Variants in AMBRA1 observed in about 807,000 individuals in gnomAD.
AMBRA1 encodes the protein autophagy and beclin 1 regulator 1.
AMBRA1 carries 47 observed loss-of-function variants against 125.4 expected under a neutral mutation model. The observed-to-expected ratio is 0.37, with a 90% confidence interval of 0.30 to 0.48. The LOEUF (loss-of-function observed/expected upper bound fraction) is 0.48, where lower values mean the gene tolerates loss of function less well. AMBRA1 is among the 20% of genes least tolerant of loss of function. The pLI, the probability that AMBRA1 is intolerant of heterozygous loss-of-function variation, is 0.99. For missense variants in AMBRA1, 1,331 were observed against 1,693.4 expected, an observed-to-expected ratio of 0.79 and a Z score of 3.76; for synonymous variants, 626 against 655.5, an observed-to-expected ratio of 0.95 and a Z score of 0.69.
chr11:46,431,158 A>C (rs1459654779), intron 14 of AMBRA1, among the ~76,000 whole-genome samples: 1 of 152,184 alleles, frequency 6.6e-6, no homozygotes, highest in Non-Finnish European at 1.5e-5. Flanking sequence ...GGTTGACCTA[A>C]ACCTTGTTGA....
chr11:46,493,732 A>G (rs1276456085), intron 10 of AMBRA1, 24 bp from the exon 11 acceptor site: 4 of 1,556,590 alleles, frequency 2.6e-6, no homozygotes, highest in Non-Finnish European at 3.5e-6. Context: ...TCACATGTGA[A>G]AAGCTGACTA....
At chr11:46,553,776 A>T (rs2043086899) in intron 1 of AMBRA1, among the ~76,000 whole-genome samples, 1 of 151,750 alleles carries the variant, frequency 6.6e-6, no homozygotes, top group Non-Finnish European at 1.5e-5. Flanking sequence ...AAACAAAAAA[A>T]CTCACCAAGT....
chr11:46,504,108 G>C (rs561223344), intron 9 of AMBRA1, among the ~76,000 whole-genome samples: 23 of 152,336 alleles, frequency 1.5e-4, no homozygotes, highest in Admixed American at 1.3e-3. Flanking sequence ...ACTGTCATTA[G>C]CAAAGCCTTT....
chr11:46,542,966 G>C lies in AMBRA1; in HGVS notation c.1051C>G (p.Pro351Ala), dbSNP rs779409186. The change falls in exon 7 of 18, where the codon CCC (proline) becomes GCC (alanine). Residue 351 changes from proline to alanine, a missense_variant. By Grantham distance (27) the Pro-to-Ala change is conservative. Around this residue, in one of 4 missense-constraint regions of AMBRA1, gnomAD observed 689 missense variants for 776.5 expected, o/e 0.89. Transcript: ENST00000683756. The surrounding 1 kb of genome is among the most constrained non-coding windows in gnomAD (Gnocchi z 5.9). ...FSFVQTEPFH[P>A]PEQASSTQQD... is the part of the protein sequence containing the mutation. ...TGCGTTGACGAGGCCTGCTCCGGGG[G>C]ATGGAAGGGCTCGGTCTGTACAAAA... is the stretch of plus-strand genomic sequence containing the variant. 1 of 1,605,512 alleles carries C rather than the reference G, an allele frequency of 6.2e-7. No homozygotes were observed. Among genetic ancestry groups the C allele is most frequent in the Non-Finnish European group, 8.5e-7 (1 of 1,179,958 alleles).
intron 11 of AMBRA1, among the ~76,000 whole-genome samples, chr11:46,450,089 C>A (rs995908684): frequency 1.3e-5 from 2 of 150,452 alleles, no homozygotes; most frequent in African/African-American, 4.9e-5. Context: ...AATGTCCACA[C>A]AAACACCTAC....
chr11:46,506,336 C>T (rs771461747), intron 9 of AMBRA1, among the ~76,000 whole-genome samples: 1 of 152,254 alleles, frequency 6.6e-6, no homozygotes, highest in Admixed American at 6.5e-5. Flanking sequence ...TTCACATTTA[C>T]ATCTTTCTCA....
At chr11:46,521,901 T>C (rs1379766193) in intron 7 of AMBRA1, among the ~76,000 whole-genome samples, 1 of 152,226 alleles carries the variant, frequency 6.6e-6, no homozygotes, top group Non-Finnish European at 1.5e-5. Context: ...GCCTACAGTG[T>C]AGATCAGCCT....
intron 11 of AMBRA1, among the ~76,000 whole-genome samples, chr11:46,472,304 T>C (rs955375636): frequency 2.0e-5 from 3 of 152,234 alleles, no homozygotes; most frequent in Non-Finnish European, 4.4e-5. Context: ...TCTCTTAGCA[T>C]TGAGGTGTTC....
At chr11:46,406,148 G>A (rs1056740594) in intron 17 of AMBRA1, among the ~76,000 whole-genome samples, 1 of 151,636 alleles carries the variant, frequency 6.6e-6, no homozygotes, top group Non-Finnish European at 1.5e-5. Flanking sequence ...CTGCCTCCCA[G>A]GTTCAAGTGA....
intron 9 of AMBRA1, among the ~76,000 whole-genome samples, chr11:46,505,270 CCTT>C (rs1310330510): frequency 6.6e-6 from 1 of 152,200 alleles, no homozygotes; most frequent in Non-Finnish European, 1.5e-5. Flanking sequence ...CTGGTACATT[CCTT>C]CTTTGTTATT....
At chr11:46,583,679 A>AAAAAAAAAAAAC (rs2044263418) in intron 1 of AMBRA1, among the ~76,000 whole-genome samples, 1 of 142,386 alleles carries the variant, frequency 7.0e-6, no homozygotes, top group African/African-American at 2.7e-5. Flanking sequence ...AAAAAAAAAA[A>AAAAAAAAAAAAC]CAACAAAACA....
chr11:46,469,778 T>C (rs1372012085), intron 11 of AMBRA1, among the ~76,000 whole-genome samples: 1 of 151,672 alleles, frequency 6.6e-6, no homozygotes, highest in African/African-American at 2.4e-5. Flanking sequence ...AATCCTCCTG[T>C]CTCAACCTTC....
In AMBRA1 at chr11:46,397,309, C is replaced by A; in HGVS notation, c.*141G>T. ...GACTGTCTTGTGCCCACTGACTGAT[C>A]TTCCTCTCCACCCTGACCCTCTTCC... On this transcript the variant is annotated 3_prime_UTR_variant, in exon 18 of 18. Transcript: ENST00000683756. 2 of 1,205,234 alleles carry A rather than the reference C, an allele frequency of 1.7e-6. No homozygotes were observed. The highest frequency in any genetic ancestry group is 2.2e-6 in the Non-Finnish European group (2 of 924,724). The allele number at this position is 1,205,234 out of a possible 1,614,324, so 74.7% of individuals were successfully genotyped here. A position where few individuals can be genotyped will look rare whatever the true frequency, so the allele number is the denominator to read the frequency against.
chr11:46,409,637 C>A (rs1946192566), intron 16 of AMBRA1, among the ~76,000 whole-genome samples: 1 of 152,236 alleles, frequency 6.6e-6, no homozygotes, highest in Non-Finnish European at 1.5e-5. Flanking sequence ...TTGGGCATCT[C>A]CCAGGCACTG....
chr11:46,444,562 A>C (rs1948184476), intron 11 of AMBRA1, among the ~76,000 whole-genome samples: 1 of 152,184 alleles, frequency 6.6e-6, no homozygotes, highest in South Asian at 2.1e-4. Context: ...AGCTAACCTA[A>C]ATGGTATTCT....
intron 11 of AMBRA1, among the ~76,000 whole-genome samples, chr11:46,471,921 T>C (rs542633702): frequency 2.0e-5 from 3 of 152,262 alleles, no homozygotes; most frequent in Non-Finnish European, 2.9e-5. Flanking sequence ...CCACCGTGCC[T>C]GGCCAGGAAT....
intron 11 of AMBRA1, among the ~76,000 whole-genome samples, chr11:46,458,769 T>A (rs1379079479): frequency 6.6e-6 from 1 of 152,060 alleles, no homozygotes; most frequent in Non-Finnish European, 1.5e-5. Flanking sequence ...GAACCTCACA[T>A]TTTAGATACT....
chr11:46,574,450 T>C (rs1429434419), intron 1 of AMBRA1, among the ~76,000 whole-genome samples: 1 of 151,762 alleles, frequency 6.6e-6, no homozygotes, highest in East Asian at 1.9e-4. Flanking sequence ...GTTTTTTGGC[T>C]GCATAAATGT....
chr11:46,443,463 A>AT, intron 12 of AMBRA1, 25 bp downstream of exon 12: 1 of 1,581,120 alleles, frequency 6.3e-7, no homozygotes, highest in Non-Finnish European at 8.7e-7. Flanking sequence ...CCTTCCACTG[A>AT]TACCCCCATT....
Sources: allele counts gnomAD v4.1 joint callset (sites outside exome capture counted in the v4.1 genomes callset), GRCh38; gene constraint gnomAD v4.1.1; regional missense constraint gnomAD v4.1.1; non-coding constraint Gnocchi (gnomAD v3.1); transcripts MANE v1.5; gene names NCBI Gene and HGNC (gene_info 2026-07-23, HGNC 2026-07-21).